CNTN5: variants seen among roughly 807,000 people sequenced by gnomAD.
CNTN5 encodes contactin 5, also known as contactin-5.
Under a neutral mutation model 129.1 loss-of-function variants are expected in CNTN5, and 77 were observed. The observed-to-expected ratio is 0.60, with a 90% CI of 0.50 to 0.72. CNTN5 has a LOEUF of 0.72. CNTN5 is among the 30% of genes least tolerant of loss of function. The pLI is 0.00. For synonymous variants in CNTN5, 509 were observed against 465.6 expected (o/e 1.09, Z -1.20); for missense variants, 1,478 against 1,328.8 (o/e 1.11, Z -1.75).
intron 7 of CNTN5, among the ~76,000 whole-genome samples, chr11:99,955,381 T>A (rs1485498634): frequency 6.6e-6 from 1 of 151,988 alleles, no homozygotes; most frequent in African/African-American, 2.4e-5. Flanking sequence ...AATAAATTAT[T>A]AATAAAATAT....
chr11:99,626,876 T>C (rs1565363368), intron 3 of CNTN5, among the ~76,000 whole-genome samples: 1 of 152,170 alleles, frequency 6.6e-6, no homozygotes, highest in Non-Finnish European at 1.5e-5. Context: ...TATGTTCTTT[T>C]AGAAAGTATT....
chr11:99,579,485 T>A (rs1949492819), intron 3 of CNTN5, among the ~76,000 whole-genome samples: 1 of 150,066 alleles, frequency 6.7e-6, no homozygotes, highest in African/African-American at 2.5e-5. Context: ...TTCCATTGGT[T>A]TGTATCCTCT....
intron 18 of CNTN5, among the ~76,000 whole-genome samples, chr11:100,284,467 G>A (rs923775723): frequency 3.9e-5 from 6 of 152,138 alleles, no homozygotes; most frequent in African/African-American, 1.4e-4. Context: ...ATATAAATTT[G>A]GGATAGCATA....
intron 3 of CNTN5, among the ~76,000 whole-genome samples, chr11:99,581,689 A>G (rs1374878575): frequency 6.6e-6 from 1 of 152,080 alleles, no homozygotes. Context: ...TGCTTGGTAG[A>G]TCGTCCTCTA....
chr11:99,702,194 T>C (rs1383440099), intron 3 of CNTN5, among the ~76,000 whole-genome samples: 1 of 150,936 alleles, frequency 6.6e-6, no homozygotes, highest in Non-Finnish European at 1.5e-5. Flanking sequence ...GCACAAGTTA[T>C]TTGCAGCCCC....
At chr11:99,833,593 A>C (rs1362908351) in intron 4 of CNTN5, among the ~76,000 whole-genome samples, 1 of 152,154 alleles carries the variant, frequency 6.6e-6, no homozygotes, top group South Asian at 2.1e-4. Context: ...ATATTAGTTG[A>C]ATTAAATGCA....
At chr11:99,773,842 C>A (rs1480486737) in intron 3 of CNTN5, among the ~76,000 whole-genome samples, 1 of 152,044 alleles carries the variant, frequency 6.6e-6, no homozygotes, top group Non-Finnish European at 1.5e-5. Flanking sequence ...GTGAGATGAT[C>A]CCTGTCTTCC....
Position 100,070,497 on chromosome 11 carries a change from G to A in CNTN5, c.1236G>A (p.Lys412=), listed in dbSNP as rs1372585393. 6.2e-7 allele frequency: 1 copy of A among 1,612,956 alleles called. No homozygotes were observed. Among genetic ancestry groups the A allele is most frequent in the Non-Finnish European group, 8.5e-7 (1 of 1,179,490 alleles). Residue 412 remains lysine, a synonymous_variant, in exon 11 of 25, where the codon AAG becomes AAA. Transcript: ENST00000524871. ...DSGSPLRWEC[K]ATGKPRPTYR... The stretch of plus-strand genomic sequence containing the variant: ...GGAGCCCTCTCCGATGGGAATGTAA[G>A]GCTACTGGAAAACCCAGACCCACGT...
rs532674645 is a variant in CNTN5 at position 99,457,885 on chromosome 11, C to T, written c.-70-98260C>T. Among the ~76,000 whole-genome samples, 11 of 151,592 alleles carry T rather than the reference C, an allele frequency of 7.3e-5. No homozygotes were observed. The South Asian group carries it at 2.1e-3, about 29-fold the overall frequency. On this transcript the variant is annotated intron_variant, in intron 2 of 24. Coordinates refer to ENST00000524871, the MANE Select transcript of CNTN5 (RefSeq NM_014361.4). ...GAACTCAAATTTTCACTTCACTTCC[C>T]GCTGCAGGATTTTAGATTAATGTAA...
chr11:100,191,973 T>A (rs1313845605), intron 14 of CNTN5, among the ~76,000 whole-genome samples: 1 of 151,814 alleles, frequency 6.6e-6, no homozygotes, highest in African/African-American at 2.4e-5. Flanking sequence ...CAAACCATAC[T>A]CCGGCCATAA....
chr11:100,125,831 T>A (rs1946165215), intron 13 of CNTN5, among the ~76,000 whole-genome samples: 1 of 152,060 alleles, frequency 6.6e-6, no homozygotes, highest in African/African-American at 2.4e-5. Flanking sequence ...ATTTTAGTTA[T>A]TTCTTTTCTT....
At chr11:99,943,556 T>A (rs751948519) in intron 7 of CNTN5, among the ~76,000 whole-genome samples, 1 of 152,200 alleles carries the variant, frequency 6.6e-6, no homozygotes, top group Non-Finnish European at 1.5e-5. Context: ...CATTTGTCAG[T>A]GTTCGCTTTC....
At chr11:99,891,448 T>A (rs1486123832) in intron 6 of CNTN5, among the ~76,000 whole-genome samples, 1 of 151,974 alleles carries the variant, frequency 6.6e-6, no homozygotes, top group Non-Finnish European at 1.5e-5. Flanking sequence ...ATCATCTACA[T>A]TAGGTATTTC....
intron 3 of CNTN5, among the ~76,000 whole-genome samples, chr11:99,750,010 A>C (rs2135210636): frequency 6.6e-6 from 1 of 152,342 alleles, no homozygotes; most frequent in African/African-American, 2.4e-5. Flanking sequence ...TGTATAAGTT[A>C]AAACCAAAAG....
At chr11:99,519,372 C>A (rs186943673) in intron 2 of CNTN5, among the ~76,000 whole-genome samples, 1 of 152,128 alleles carries the variant, frequency 6.6e-6, no homozygotes, top group East Asian at 1.9e-4. Context: ...GTTCACAGCA[C>A]CAATTTTACT....
chr11:99,035,340 T>G (rs1863658264), intron 1 of CNTN5, among the ~76,000 whole-genome samples: 1 of 151,936 alleles, frequency 6.6e-6, no homozygotes, highest in South Asian at 2.1e-4. Flanking sequence ...ACTTTCTGTC[T>G]CGTTGATCTG....
intron 17 of CNTN5, among the ~76,000 whole-genome samples, chr11:100,261,139 C>A (rs1286034544): frequency 6.6e-6 from 1 of 152,128 alleles, no homozygotes; most frequent in African/African-American, 2.4e-5. Context: ...TACAAGCATT[C>A]ATATATACCA....
At chr11:99,579,580 C>G (rs1388550086) in intron 3 of CNTN5, among the ~76,000 whole-genome samples, 1 of 145,516 alleles carries the variant, frequency 6.9e-6, no homozygotes, top group African/African-American at 2.6e-5. Flanking sequence ...GTATTTTATT[C>G]TCTTTGAAGC....
chr11:99,627,488 T>C (rs991225092), intron 3 of CNTN5, among the ~76,000 whole-genome samples: 2 of 152,134 alleles, frequency 1.3e-5, no homozygotes, highest in African/African-American at 4.8e-5. Flanking sequence ...ATTAAAATAG[T>C]AAACCTCAGT....
Sources: allele counts gnomAD v4.1 joint callset (sites outside exome capture counted in the v4.1 genomes callset), GRCh38; gene constraint gnomAD v4.1.1; transcripts MANE v1.5; gene names NCBI Gene and HGNC (gene_info 2026-07-23, HGNC 2026-07-21).